Variants in EIF3D observed in about 807,000 individuals in gnomAD.
EIF3D encodes eIF3 p66.
A neutral mutation model predicts 75.4 loss-of-function variants in EIF3D; 10 were observed. The observed-to-expected ratio is 0.13, with a 90% confidence interval of 0.08 to 0.22. EIF3D has a LOEUF of 0.22. Ranked by LOEUF, EIF3D falls within the 10% of genes least tolerant of loss-of-function variation. The pLI is 1.00. For synonymous variants in EIF3D, 246 were observed against 248.3 expected (o/e 0.99, Z 0.09); for missense variants, 394 against 708.0 (o/e 0.56, Z 5.03).
At chr22:36,514,399 C>G (rs1210141420) in intron 12 of EIF3D, among the ~76,000 whole-genome samples, 1 of 152,164 alleles carries the variant, frequency 6.6e-6, no homozygotes, top group African/African-American at 2.4e-5. Flanking sequence ...CAAGTATCAC[C>G]CCCATGATCA....
chr22:36,524,629 C>T lies in EIF3D; in HGVS notation c.273G>A (p.Thr91=), dbSNP rs762122826. 6.8e-6 allele frequency: 11 copies of T among 1,614,044 alleles called. No homozygotes were observed. The highest frequency in any genetic ancestry group is 4.4e-5 in the South Asian group (4 of 91,086). The change falls in exon 4 of 15, where the codon ACG becomes ACA. Residue 91 remains threonine (T), a synonymous_variant. Transcript: ENST00000216190. ...ATCTCATTCGATTCCGCTGGTAGGC[C>T]GTCTTCTGTGTGCGCGCTGTATCCA... ...QLVDTARTQK[T]AYQRNRMRFA... is the part of the protein sequence containing the mutation.
chr22:36,511,291 C>T (rs1048024907), intron 14 of EIF3D: 2 of 1,015,390 alleles, frequency 2.0e-6, no homozygotes, highest in Non-Finnish European at 2.8e-6. Context: ...AGTCCAGCCG[C>T]TTCTCTAAAA....
chr22:36,511,855 G>T, intron 13 of EIF3D, 69 bp from the exon 14 acceptor site: 1 of 1,565,786 alleles, frequency 6.4e-7, no homozygotes, highest in Non-Finnish European at 8.7e-7. Flanking sequence ...GGGATCAAAT[G>T]TCAATTAAAT....
At position 36,511,743 on chromosome 22, in the gene EIF3D, T is replaced by A; in HGVS notation, c.1393A>T (p.Ile465Phe). ...GGCTTGAACTGCTGGGTGCCTAGGATGACGTGGCGTGAGGAGTCTTTCACG... is the reference window on the plus strand; with the variant it reads ...GGCTTGAACTGCTGGGTGCCTAGGAAGACGTGGCGTGAGGAGTCTTTCACG... ...YHVKDSSRHV[I>F]LGTQQFKPNE... is the part of the protein sequence containing the mutation. The change falls in exon 14 of 15, where the codon ATC (isoleucine) becomes TTC (phenylalanine). Residue 465 changes from isoleucine to phenylalanine, a missense_variant. Coordinates refer to ENST00000216190, the MANE Select transcript of EIF3D (RefSeq NM_003753.4). 6.2e-7 allele frequency: 1 copy of A among 1,614,048 alleles called. No individual in the cohort carries two copies. The highest frequency in any genetic ancestry group is 8.5e-7 in the Non-Finnish European group (1 of 1,179,990).
At chr22:36,520,822 G>T (rs990902590) in intron 6 of EIF3D, 134 bp from the exon 7 acceptor site, 3 of 581,350 alleles carry the variant, frequency 5.2e-6, no homozygotes, top group African/African-American at 3.8e-5. Context: ...TGGGAAGCTG[G>T]GGCAGGATGA....
intron 6 of EIF3D, among the ~76,000 whole-genome samples, chr22:36,522,604 A>G (rs1373576969): frequency 6.6e-6 from 1 of 152,168 alleles, no homozygotes. Context: ...AAATGTCTAG[A>G]ACAAAAAATC....
chr22:36,515,250 C>T (rs866193410), intron 12 of EIF3D, among the ~76,000 whole-genome samples: 8 of 152,188 alleles, frequency 5.3e-5, no homozygotes, highest in South Asian at 2.1e-4. Context: ...ATTGTTAGGC[C>T]GGGTGCTGTG....
Position 36,525,673 on chromosome 22 carries a change from T to G in EIF3D, c.160A>C (p.Arg54=). ...DWTGATYQDK[R]YTNKYSSQFG... ...TTGCAGAAACACTTACTTGTGTACC[T>G]CTTATCTTGGTATGTGGCTCCTGTC... The change falls in exon 3 of 15, where the codon AGG becomes CGG. Residue 54 remains arginine (R), a synonymous_variant. Transcript: ENST00000216190. The G allele has an allele frequency of 6.2e-7, 1 of 1,613,364 alleles. No individual in the cohort carries two copies. Among genetic ancestry groups the G allele is most frequent in the South Asian group, 1.1e-5 (1 of 90,830 alleles).
chr22:36,513,325 G>A (rs777696431), intron 12 of EIF3D, among the ~76,000 whole-genome samples: 18 of 150,952 alleles, frequency 1.2e-4, no homozygotes, highest in South Asian at 2.1e-4. Flanking sequence ...TTTTTGAGAC[G>A]GAGTTTTGCT....
chr22:36,512,694 G>T, intron 12 of EIF3D, 92 bp from the exon 13 acceptor site: 1 of 1,457,618 alleles, frequency 6.9e-7, no homozygotes, highest in Non-Finnish European at 9.2e-7. Flanking sequence ...TCCCTAGTCT[G>T]CTTGCTTAGA....
rs543468515 is a variant in EIF3D, at chr22:36,514,501, G to A, written c.1207-1899C>T. 9.2e-5 allele frequency among the ~76,000 whole-genome samples: 14 copies of A among 152,300 alleles called. No individual in the cohort carries two copies. In the East Asian group the frequency reaches 1.9e-3, roughly 21 times the overall value. ...ACTACCTGGCTGGGCTCACCCAACC[G>A]TATGAGTCTCTTAAATCTAGGTGTA... On this transcript the variant is annotated intron_variant, in intron 12 of 14. Transcript: ENST00000216190.
At chr22:36,514,890 A>C (rs1413441438) in intron 12 of EIF3D, among the ~76,000 whole-genome samples, 1 of 152,132 alleles carries the variant, frequency 6.6e-6, no homozygotes, top group Non-Finnish European at 1.5e-5. Flanking sequence ...GTGGGAGGTG[A>C]CTGGATCATG....
intron 12 of EIF3D, among the ~76,000 whole-genome samples, chr22:36,514,987 CT>C (rs1425118663): frequency 6.6e-6 from 1 of 150,468 alleles, no homozygotes; most frequent in Non-Finnish European, 1.5e-5. Context: ...AACCTCCCCC[CT>C]CTCTTTCTCC....
intron 9 of EIF3D, among the ~76,000 whole-genome samples, chr22:36,518,283 G>A (rs971661512): frequency 6.6e-6 from 1 of 151,632 alleles, no homozygotes; most frequent in Admixed American, 6.6e-5. Flanking sequence ...TTGAGGCCAG[G>A]AGTTCGAGAC....
chr22:36,520,338 A>G (rs912853168), intron 7 of EIF3D, among the ~76,000 whole-genome samples: 37 of 152,090 alleles, frequency 2.4e-4, no homozygotes, highest in African/African-American at 8.9e-4. Context: ...TTGTATTTTT[A>G]GTAGAGACTG....
intron 6 of EIF3D, among the ~76,000 whole-genome samples, chr22:36,522,469 T>C (rs534175492): frequency 5.3e-5 from 8 of 152,224 alleles, no homozygotes; most frequent in Non-Finnish European, 8.8e-5. Flanking sequence ...TGAGAATGTG[T>C]AGACTTTCAT....
Position 36,512,573 on chromosome 22 carries a change from C to T in EIF3D, c.1236G>A (p.Lys412=), listed in dbSNP as rs771548834. The part of the protein sequence containing the change: ...RHCNGVDWRQ[K]LDSQRGAVIA... The stretch of plus-strand genomic sequence containing the variant: ...TGACAGCCCCTCGCTGAGAGTCCAG[C>T]TTCTGACGCCAGTCAACGCCATTAC... The change falls in exon 13 of 15, where the codon AAG becomes AAA. Residue 412 remains lysine, a synonymous_variant. Coordinates refer to ENST00000216190, the MANE Select transcript of EIF3D (RefSeq NM_003753.4). The T allele has an allele frequency of 6.2e-7, 1 of 1,614,160 alleles. No individual in the cohort carries two copies. Among genetic ancestry groups the T allele is most frequent in the African/African-American group, 1.3e-5 (1 of 75,062 alleles).
In EIF3D at chr22:36,518,824, A is replaced by G. The variant is rs775414888; in HGVS notation, c.798T>C (p.Asp266=). The part of the protein sequence containing the change: ...MSCTRSVYSW[D]IVVQRVGSKL... Reference sequence around the variant, plus strand: ...TGGACCCAACTCTCTGGACGACAATATCCCAGGAATACACTGAGCGGGTAC... The same window carrying G: ...TGGACCCAACTCTCTGGACGACAATGTCCCAGGAATACACTGAGCGGGTAC... The change falls in exon 9 of 15, where the codon GAT becomes GAC. Residue 266 remains aspartate, a synonymous_variant. Transcript: ENST00000216190. The G allele has an allele frequency of 8.2e-5, 132 of 1,614,100 alleles. No individual in the cohort carries two copies. The highest frequency in any genetic ancestry group is 1.1e-4 in the Non-Finnish European group (130 of 1,180,046).
intron 12 of EIF3D, among the ~76,000 whole-genome samples, chr22:36,513,455 A>G (rs1934373699): frequency 6.6e-6 from 1 of 151,994 alleles, no homozygotes; most frequent in Non-Finnish European, 1.5e-5. Context: ...GGTGCCCGCC[A>G]CCATGTCCAG....
Sources: gnomAD v4.1 joint callset for allele counts (sites outside exome capture counted in the v4.1 genomes callset) on GRCh38, gnomAD v4.1.1 for gene constraint, MANE v1.5 for transcripts, NCBI Gene and HGNC (gene_info 2026-07-23, HGNC 2026-07-21) for gene names.